The following MYH3 variants were observed in gnomAD, a reference collection of about 807,000 sequenced individuals.
MYH3 encodes the protein myosin-3.
A neutral mutation model predicts 238.0 loss-of-function variants in MYH3; 130 were observed. The ratio of observed to expected loss-of-function variants is 0.55; its 90% CI spans 0.47 to 0.63. The LOEUF (loss-of-function observed/expected upper bound fraction) is 0.63. Among genes scored for constraint, MYH3 ranks in the 30% least tolerant of loss-of-function variants. The probability of loss-of-function intolerance (pLI) is 0.00; values close to 1 mark genes in which losing one functional copy is unlikely to be tolerated. For synonymous variants in MYH3, 880 were observed against 924.1 expected (o/e 0.95, Z 0.86); for missense variants, 1,853 against 2,374.9 (o/e 0.78, Z 4.57).
In MYH3 at chr17:10,642,583, G is replaced by A. The variant is rs149880049; in HGVS notation, c.1722C>T (p.Ala574=). 125 of 1,614,156 alleles carry A rather than the reference G, an allele frequency of 7.7e-5. No individual in the cohort carries two copies. In the African/African-American group the frequency reaches 1.3e-3, roughly 17 times the overall value. The change falls in exon 16 of 41, where the codon GCC becomes GCT. Residue 574 remains alanine, a synonymous_variant. Transcript: ENST00000583535. The surrounding 1 kb of genome is among the most constrained non-coding windows in gnomAD (Gnocchi z 5.4). The stretch of plus-strand genomic sequence containing the variant: ...AGTGGATCAGTGAGAAGTGAGCCTC[G>A]GCCCTGCCTTTGACCACCTTGGGCT... ...FQKPKVVKGR[A]EAHFSLIHYA...
intron 4 of MYH3, 56 bp from the exon 5 acceptor site, chr17:10,651,724 C>G: frequency 6.3e-7 from 1 of 1,579,166 alleles, no homozygotes; most frequent in Non-Finnish European, 8.6e-7. Flanking sequence ...TATGGAAAAC[C>G]CCTTGCCTTT....
In MYH3 at chr17:10,654,739, T is replaced by A. The variant is rs1007003544; in HGVS notation, c.204+122A>T. On this transcript the variant is annotated intron_variant, in intron 3 of 40. Transcript: ENST00000583535. The surrounding 1 kb of genome is among the most constrained non-coding windows in gnomAD (Gnocchi z 4.5). The stretch of plus-strand genomic sequence containing the variant: ...ACCTGGGAAGCCCCAGGCTACATTG[T>A]ATGCGGCATTCCAGTGCTGGAACCA... The A allele has an allele frequency of 3.3e-6, 3 of 913,124 alleles. No homozygotes were observed. The African/African-American group carries it at 4.9e-5, about 15-fold the overall frequency. The allele number at this position is 913,124 out of a possible 1,614,324, so 56.6% of individuals were successfully genotyped here. A position where few individuals can be genotyped will look rare whatever the true frequency, so the allele number is the denominator to read the frequency against.
In MYH3 at chr17:10,640,677, C is replaced by T. The variant is rs750551043; in HGVS notation, c.2175G>A (p.Val725=). 3.7e-6 allele frequency: 6 copies of T among 1,614,008 alleles called. No individual in the cohort carries two copies. Among genetic ancestry groups the T allele is most frequent in the Non-Finnish European group, 4.2e-6 (5 of 1,179,992 alleles). Residue 725 remains valine, a synonymous_variant, in exon 20 of 41, where the codon GTG becomes GTA. Transcript: ENST00000583535. ...CCTCAGGGATTGCACTGGCATTCAG[C>T]ACTCGGTATCTGCATTGTAGACATG... is the stretch of plus-strand genomic sequence containing the variant. ...LYGDFKQRYR[V]LNASAIPEGQ...
chr17:10,652,770 C>T (rs971599171), intron 3 of MYH3, among the ~76,000 whole-genome samples: 14 of 151,688 alleles, frequency 9.2e-5, no homozygotes, highest in African/African-American at 1.2e-4. Context: ...TACAGGCGCC[C>T]GCCACCACAC....
chr17:10,656,691 T>A (rs7209125), intron 1 of MYH3, among the ~76,000 whole-genome samples: 86,956 of 152,056 alleles, frequency 0.57, 27,751 homozygotes, highest in Non-Finnish European at 0.73. Flanking sequence ...CACTGGCACC[T>A]TCTTCAGTCT....
intron 28 of MYH3, among the ~76,000 whole-genome samples, chr17:10,636,177 C>T (rs541230021): frequency 7.4e-5 from 11 of 149,608 alleles, no homozygotes; most frequent in South Asian, 4.3e-4. Flanking sequence ...AAAAATTAGC[C>T]GGGCGTGGTC....
chr17:10,674,862 C>T, the MYH3 span: 1 of 152,334 alleles, frequency 6.6e-6, no homozygotes, highest in Non-Finnish European at 1.5e-5. Flanking sequence ...CCCAGGAATA[C>T]TTCAGATGGC....
the MYH3 span, among the ~76,000 whole-genome samples, chr17:10,664,968 A>C: frequency 3.2e-4 from 49 of 152,186 alleles, no homozygotes; most frequent in Admixed American, 9.8e-4. Context: ...TCTGCCAGCT[A>C]TATATCAGGC....
chr17:10,634,630 G>A (rs935766634), intron 31 of MYH3, among the ~76,000 whole-genome samples: 5 of 152,100 alleles, frequency 3.3e-5, no homozygotes, highest in African/African-American at 9.7e-5. Context: ...TTGTTTCCAC[G>A]GACAACATTT....
rs2074283577 is a variant in MYH3 at position 10,642,616 on chromosome 17, G to T, written c.1689C>A (p.Asn563Lys). Residue 563 changes from asparagine (N) to lysine (K), a missense_variant, in exon 16 of 41, where the codon AAC becomes AAA. Around this residue, in one of 3 missense-constraint regions of MYH3, gnomAD observed 678 missense variants for 1,058.9 expected, o/e 0.64. Transcript: ENST00000583535. The surrounding 1 kb of genome is among the most constrained non-coding windows in gnomAD (Gnocchi z 5.4). ...CTTTGACCACCTTGGGCTTCTGGAAGTTGTTGGACTTTCCAAGATGCTGGT... is the reference window on the plus strand; with the variant it reads ...CTTTGACCACCTTGGGCTTCTGGAATTTGTTGGACTTTCCAAGATGCTGGT... ...LYDQHLGKSN[N>K]FQKPKVVKGR... 3.7e-6 allele frequency: 6 copies of T among 1,614,230 alleles called. No individual in the cohort carries two copies. The highest frequency in any genetic ancestry group is 5.1e-6 in the Non-Finnish European group (6 of 1,180,056).
intron 14 of MYH3, among the ~76,000 whole-genome samples, chr17:10,644,030 C>T (rs1410157982): frequency 6.6e-6 from 1 of 151,908 alleles, no homozygotes; most frequent in Admixed American, 6.6e-5. Flanking sequence ...CATGGTGGCA[C>T]ACGCCTGTAA....
At position 10,635,372 on chromosome 17, in the gene MYH3, C is replaced by T; in HGVS notation, c.4167G>A (p.Glu1389=). Reference sequence around the variant, plus strand: ...AAGCAAACAGAGCTGCGCACTTGGCCTCCTCCAGCTCTTCTGTGCGCTGGA... The same window carrying T: ...AAGCAAACAGAGCTGCGCACTTGGCTTCCTCCAGCTCTTCTGTGCGCTGGA... The part of the protein sequence containing the change: ...DAIQRTEELE[E]AKKKLAQRLQ... Residue 1389 remains glutamate, a synonymous_variant, in exon 30 of 41, where the codon GAG becomes GAA. Coordinates refer to ENST00000583535, the MANE Select transcript of MYH3 (RefSeq NM_002470.4). The T allele has an allele frequency of 6.2e-7, 1 of 1,614,038 alleles. No homozygotes were observed. Among genetic ancestry groups the T allele is most frequent in the Non-Finnish European group, 8.5e-7 (1 of 1,179,870 alleles).
chr17:10,644,305 CCCTCATATGAAG>C (rs1003190739), intron 14 of MYH3, 34 bp downstream of exon 14: 10 of 1,585,236 alleles, frequency 6.3e-6, no homozygotes, highest in Non-Finnish European at 8.7e-6. Flanking sequence ...AAACCAATTT[CCCTCATATGAAG>C]CCATATGAAA....
At chr17:10,664,231 G>A in the MYH3 span, among the ~76,000 whole-genome samples, 1 of 152,110 alleles carries the variant, frequency 6.6e-6, no homozygotes, top group African/African-American at 2.4e-5. Flanking sequence ...TCTCTGCTCT[G>A]CTAAAGATAT....
At chr17:10,676,937 A>G in the MYH3 span, 1 of 152,352 alleles carries the variant, frequency 6.6e-6, no homozygotes, top group South Asian at 2.1e-4. Flanking sequence ...AGAGGCTATT[A>G]CTTGAATCTT....
rs1241720844 is a variant in MYH3 at position 10,634,864 on chromosome 17, G to C, written c.4332C>G (p.Asp1444Glu). The change falls in exon 31 of 41, where the codon GAC (aspartate) becomes GAG (glutamate). Residue 1444 changes from aspartate (D) to glutamate (E), a missense_variant. By Grantham distance (45) the Asp-to-Glu change is conservative (BLOSUM62 2). Transcript: ENST00000583535. ...ERANSLAAAL[D>E]KKQRNFDKVL... ...CCTTGTCAAAGTTCCTCTGCTTCTTGTCCAGAGCGGCGGCCAAGGAATTGG... is the reference window on the plus strand; with the variant it reads ...CCTTGTCAAAGTTCCTCTGCTTCTTCTCCAGAGCGGCGGCCAAGGAATTGG... 2 of 1,614,008 alleles carry C rather than the reference G, an allele frequency of 1.2e-6. No individual in the cohort carries two copies. Among genetic ancestry groups the C allele is most frequent in the East Asian group, 2.2e-5 (1 of 44,882 alleles).
chr17:10,637,599 T>A (rs1347721228), intron 28 of MYH3, among the ~76,000 whole-genome samples: 1 of 152,164 alleles, frequency 6.6e-6, no homozygotes, highest in Non-Finnish European at 1.5e-5. Flanking sequence ...CTACTCCTCT[T>A]TCTCTCTTAT....
At chr17:10,671,569 G>GTCT in the MYH3 span, among the ~76,000 whole-genome samples, 106 of 143,080 alleles carry the variant, frequency 7.4e-4, 1 homozygote, top group African/African-American at 2.6e-3. Flanking sequence ...TTTTCTCAGG[G>GTCT]TCATTTTTTT....
In MYH3 at chr17:10,654,177, G is replaced by C. The variant is rs1194506722; in HGVS notation, c.204+684C>G. ...TCTTTCTTTCTTTCCTTCCTTCCTT[G>C]CTTTCTTTCTTCCTTCTTTCTTTCC... On this transcript the variant is annotated intron_variant, in intron 3 of 40. Transcript: ENST00000583535. This position sits in a 1 kb window ranked among gnomAD's most constrained non-coding sequence, Gnocchi z 4.5. Among the ~76,000 whole-genome samples the C allele has an allele frequency of 9.7e-5, 14 of 145,000 alleles. No homozygotes were observed. Among genetic ancestry groups the C allele is most frequent in the Non-Finnish European group, 1.7e-4 (11 of 65,938 alleles).
Sources: gnomAD v4.1 joint callset for allele counts (sites outside exome capture counted in the v4.1 genomes callset) on GRCh38, gnomAD v4.1.1 for gene constraint, gnomAD v4.1.1 regional missense constraint, Gnocchi (gnomAD v3.1) non-coding constraint, MANE v1.5 for transcripts, NCBI Gene and HGNC (gene_info 2026-07-23, HGNC 2026-07-21) for gene names.